Variants in KAT6B observed in about 807,000 individuals in gnomAD.
KAT6B encodes lysine acetyltransferase 6B, also known as histone acetyltransferase KAT6B.
A neutral mutation model predicts 187.5 loss-of-function variants in KAT6B; 10 were observed. That is an observed-to-expected ratio of 0.05 (90% confidence interval 0.03 to 0.09). The LOEUF is 0.09. Among genes scored for constraint, KAT6B ranks in the 10% least tolerant of loss-of-function variants. The probability of loss-of-function intolerance (pLI) is 1.00; values close to 1 mark genes in which losing one functional copy is unlikely to be tolerated. For missense variants in KAT6B, 1,952 were observed against 2,558.9 expected (o/e 0.76, Z 5.12); for synonymous variants, 861 against 926.8 (o/e 0.93, Z 1.29).
intron 3 of KAT6B, among the ~76,000 whole-genome samples, chr10:74,954,856 G>A (rs75621719): frequency 1.7e-4 from 26 of 152,106 alleles, no homozygotes; most frequent in Middle Eastern, 3.4e-3. Flanking sequence ...CATTTTTTCC[G>A]TAGTGTTTTG....
intron 3 of KAT6B, among the ~76,000 whole-genome samples, chr10:74,911,077 A>G (rs555905090): frequency 4.6e-5 from 7 of 152,226 alleles, no homozygotes; most frequent in African/African-American, 1.4e-4. Context: ...TTTGATTTCT[A>G]TGGGTAGTCC....
intron 12 of KAT6B, among the ~76,000 whole-genome samples, chr10:74,988,641 A>G (rs1489804230): frequency 6.6e-6 from 1 of 152,200 alleles, no homozygotes; most frequent in Non-Finnish European, 1.5e-5. Flanking sequence ...ATAGCCAGCT[A>G]AATCCTAACT....
intron 3 of KAT6B, among the ~76,000 whole-genome samples, chr10:74,914,057 G>C (rs1322705522): frequency 6.6e-6 from 1 of 151,984 alleles, no homozygotes; most frequent in African/African-American, 2.4e-5. Context: ...GTGGTGGCGG[G>C]CACCTGTAGT....
intron 3 of KAT6B, among the ~76,000 whole-genome samples, chr10:74,893,408 T>G (rs975028644): frequency 1.9e-4 from 29 of 152,230 alleles, no homozygotes; most frequent in Admixed American, 2.0e-4. Context: ...AAGTTTGGCT[T>G]TATTTAAGAT....
chr10:74,906,212 C>T (rs1257138212), intron 3 of KAT6B, among the ~76,000 whole-genome samples: 1 of 152,094 alleles, frequency 6.6e-6, no homozygotes, highest in Admixed American at 6.6e-5. Flanking sequence ...CCAGCCTGAC[C>T]AACATGGTAA....
At chr10:75,011,946 A>C (rs1383204899) in intron 13 of KAT6B, among the ~76,000 whole-genome samples, 1 of 152,136 alleles carries the variant, frequency 6.6e-6, no homozygotes. Flanking sequence ...AGGTGGCAAA[A>C]ATGAAGAAGT....
intron 3 of KAT6B, among the ~76,000 whole-genome samples, chr10:74,929,008 T>G (rs1848684591): frequency 6.6e-6 from 1 of 152,188 alleles, no homozygotes. Flanking sequence ...CAAGATTTGT[T>G]TAGTGATTTA....
intron 13 of KAT6B, among the ~76,000 whole-genome samples, chr10:75,009,162 G>A (rs763854877): frequency 2.4e-4 from 36 of 152,146 alleles, no homozygotes; most frequent in Non-Finnish European, 4.9e-4. Flanking sequence ...TCCTTGCAAT[G>A]TAGCATATTG....
intron 3 of KAT6B, among the ~76,000 whole-genome samples, chr10:74,940,005 CT>C (rs985486886): frequency 6.6e-6 from 1 of 151,918 alleles, no homozygotes; most frequent in Non-Finnish European, 1.5e-5. Context: ...GCTGCAACTT[CT>C]TTTTTTAAGG....
rs386371842 is a variant in KAT6B, at chr10:74,934,186, C to CAAAA, written c.622-25768_622-25765dup. On this transcript the variant is annotated intron_variant, in intron 3 of 17. Transcript: ENST00000287239. ...GGGCAACAGGGCAAGACTCCGTCTCCAAAAAAAAAAAAAAAAAAAGCCTAC... is the reference window on the plus strand; with the variant it reads ...GGGCAACAGGGCAAGACTCCGTCTCCAAAAAAAAAAAAAAAAAAAAAAAGCCTAC... Among the ~76,000 whole-genome samples the CAAAA allele has an allele frequency of 1.6e-3, 109 of 69,302 alleles. 1 individual carries two copies. Among genetic ancestry groups the CAAAA allele is most frequent in the East Asian group, 4.9e-3 (13 of 2,648 alleles). 45.5% of individuals were successfully genotyped at this position (69,302 alleles called of 152,430 possible). A position where few individuals can be genotyped will look rare whatever the true frequency, so the allele number is the denominator to read the frequency against.
chr10:74,996,707 T>G (rs1479674138), intron 13 of KAT6B, among the ~76,000 whole-genome samples: 2 of 148,884 alleles, frequency 1.3e-5, no homozygotes. Context: ...AGGCGGAGCT[T>G]GCAGTGAGCT....
chr10:75,007,859 T>C (rs1420720298), intron 13 of KAT6B, among the ~76,000 whole-genome samples: 1 of 152,194 alleles, frequency 6.6e-6, no homozygotes, highest in Admixed American at 6.5e-5. Flanking sequence ...CTACTAGTCA[T>C]GTTTTAAAGA....
chr10:75,025,040 C>G lies in KAT6B; in HGVS notation c.3455C>G (p.Thr1152Arg), dbSNP rs139898065. Reference sequence around the variant, plus strand: ...GTAACAACAGAGACCATTTCAGAGACGACAGAAGTACTGAATGAGCCCTTT... The same window carrying G: ...GTAACAACAGAGACCATTTCAGAGAGGACAGAAGTACTGAATGAGCCCTTT... ...SSVTTETISETTEVLNEPFDN... is the reference protein window; with the variant it reads ...SSVTTETISERTEVLNEPFDN... Residue 1152 changes from threonine to arginine, a missense_variant, in exon 17 of 18, where the codon ACG becomes AGG. Coordinates refer to ENST00000287239, the MANE Select transcript of KAT6B (RefSeq NM_012330.4). 9.1e-5 allele frequency: 147 copies of G among 1,613,984 alleles called. No homozygotes were observed. Among genetic ancestry groups the G allele is most frequent in the Non-Finnish European group, 1.2e-4 (143 of 1,180,010 alleles).
chr10:74,969,276 T>C (rs998531360), intron 4 of KAT6B, among the ~76,000 whole-genome samples: 2 of 152,174 alleles, frequency 1.3e-5, no homozygotes, highest in South Asian at 4.1e-4. Context: ...GTTTGAACTT[T>C]GGCAACTCCC....
chr10:74,930,956 C>T (rs1848829343), intron 3 of KAT6B, among the ~76,000 whole-genome samples: 1 of 152,122 alleles, frequency 6.6e-6, no homozygotes, highest in South Asian at 2.1e-4. Context: ...TTTTTGTGCA[C>T]ATAGCTTATT....
Position 74,842,753 on chromosome 10 carries a change from T to C in KAT6B, c.-105T>C, listed in dbSNP as rs1841836924. ...TTGCTTAATACAGTCTGGAATACTC[T>C]GTCCATTTGTTGAATTGTAAATGAC... is the stretch of plus-strand genomic sequence containing the variant. On this transcript the variant is annotated 5_prime_UTR_variant, in exon 3 of 18. Transcript: ENST00000287239. The C allele has an allele frequency of 8.9e-6, 11 of 1,234,490 alleles. No individual in the cohort carries two copies. The South Asian group carries it at 1.3e-4, about 15-fold the overall frequency. 76.5% of individuals were successfully genotyped at this position (1,234,490 alleles called of 1,614,324 possible). A position where few individuals can be genotyped will look rare whatever the true frequency, so the allele number is the denominator to read the frequency against.
chr10:74,942,765 CAAAAAAAAAAAA>C (rs56276008), intron 3 of KAT6B, among the ~76,000 whole-genome samples: 3 of 9,364 alleles, frequency 3.2e-4, no homozygotes, highest in East Asian at 3.6e-3. Context: ...AACTCCATCG[CAAAAAAAAAAAA>C]AAAAAAAAAA....
rs1845337091 is a variant in KAT6B at position 75,020,747 on chromosome 10, G to A, written c.2795G>A (p.Gly932Asp). Residue 932 changes from glycine to aspartate, a missense_variant, in exon 14 of 18, where the codon GGC becomes GAC. Gly to Asp is a moderately conservative substitution (Grantham distance 94). Transcript: ENST00000287239. ...ATCAAGGCAATTAGCAGAGCGACGG[G>A]CATGTGCCCACATGACATTGCCACC... ...ISIKAISRAT[G>D]MCPHDIATTL... 1 of 1,614,046 alleles carries A rather than the reference G, an allele frequency of 6.2e-7. No homozygotes were observed.
intron 3 of KAT6B, among the ~76,000 whole-genome samples, chr10:74,911,221 A>G (rs1471813822): frequency 6.6e-6 from 1 of 150,602 alleles, no homozygotes; most frequent in Non-Finnish European, 1.5e-5. Context: ...TTTATTGAAC[A>G]TAGTTTTCAG....
Sources: gnomAD v4.1 joint callset for allele counts (sites outside exome capture counted in the v4.1 genomes callset) on GRCh38, gnomAD v4.1.1 for gene constraint, MANE v1.5 for transcripts, NCBI Gene and HGNC (gene_info 2026-07-23, HGNC 2026-07-21) for gene names.